CCDC178: variants seen among roughly 807,000 people sequenced by gnomAD.
The protein encoded by CCDC178 is coiled-coil domain-containing protein 178.
CCDC178 carries 126 observed loss-of-function variants against 117.4 expected under a neutral mutation model. The ratio of observed to expected loss-of-function variants is 1.07; its 90% CI spans 0.93 to 1.24. The LOEUF (loss-of-function observed/expected upper bound fraction) is 1.24. Ranked by LOEUF, CCDC178 falls within the 50% of genes most tolerant of loss-of-function variation. The probability of loss-of-function intolerance (pLI) is 0.00; values close to 1 mark genes in which losing one functional copy is unlikely to be tolerated. For synonymous variants in CCDC178, 283 were observed against 313.4 expected, an observed-to-expected ratio of 0.90 and a Z score of 1.02; for missense variants, 1,030 against 986.9, an observed-to-expected ratio of 1.04 and a Z score of -0.59.
chr18:33,120,587 T>C (rs2057923995), intron 20 of CCDC178, among the ~76,000 whole-genome samples: 1 of 152,144 alleles, frequency 6.6e-6, no homozygotes, highest in African/African-American at 2.4e-5. Flanking sequence ...AAAAGAACCA[T>C]GACCAGCTGA....
At chr18:32,956,709 A>G (rs2054601519) in intron 22 of CCDC178, 1 of 152,232 alleles carries the variant, frequency 6.6e-6, no homozygotes, top group Non-Finnish European at 1.5e-5. Flanking sequence ...AGCCAAGGCA[A>G]TGATGCTGGA....
intron 20 of CCDC178, among the ~76,000 whole-genome samples, chr18:33,208,958 G>C (rs988178568): frequency 3.9e-4 from 59 of 152,068 alleles, no homozygotes; most frequent in African/African-American, 1.3e-3. Context: ...AAATTACAGA[G>C]GGGACAGCAA....
intron 5 of CCDC178, among the ~76,000 whole-genome samples, chr18:33,371,412 GATT>G (rs1428719687): frequency 6.6e-6 from 1 of 151,636 alleles, no homozygotes; most frequent in Non-Finnish European, 1.5e-5. Context: ...TATAAAATGG[GATT>G]ATTATCTTGA....
chr18:33,178,776 T>A (rs1205839100), intron 20 of CCDC178, among the ~76,000 whole-genome samples: 1 of 151,946 alleles, frequency 6.6e-6, no homozygotes. Flanking sequence ...TTCTTAAAAA[T>A]TTTAAATCAA....
intron 22 of CCDC178, among the ~76,000 whole-genome samples, chr18:32,967,448 T>C (rs1477076721): frequency 6.6e-6 from 1 of 151,614 alleles, no homozygotes; most frequent in Non-Finnish European, 1.5e-5. Context: ...TCTAATTCTT[T>C]ATTTCCTTGA....
intron 14 of CCDC178, among the ~76,000 whole-genome samples, chr18:33,259,243 G>A (rs1330781259): frequency 1.3e-5 from 2 of 152,132 alleles, no homozygotes; most frequent in Non-Finnish European, 2.9e-5. Context: ...TTGCTTGTTT[G>A]GTTTTTAATC....
At chr18:33,314,656 C>A (rs1370483137) in intron 11 of CCDC178, among the ~76,000 whole-genome samples, 1 of 152,164 alleles carries the variant, frequency 6.6e-6, no homozygotes, top group Non-Finnish European at 1.5e-5. Context: ...AAATTACCTT[C>A]ACTGTCGGAT....
intron 6 of CCDC178, among the ~76,000 whole-genome samples, chr18:33,357,951 T>C (rs1267088860): frequency 1.7e-5 from 2 of 120,992 alleles, no homozygotes; most frequent in Non-Finnish European, 3.3e-5. Context: ...ATTCTGTCAT[T>C]GTGCGAACAT....
chr18:33,193,129 G>A (rs1041506670), intron 20 of CCDC178, among the ~76,000 whole-genome samples: 1 of 150,778 alleles, frequency 6.6e-6, no homozygotes, highest in Non-Finnish European at 1.5e-5. Flanking sequence ...CGGGCGTGGT[G>A]GCAGGCGCCT....
chr18:33,080,973 TA>T (rs963378629), intron 21 of CCDC178, among the ~76,000 whole-genome samples: 1 of 151,976 alleles, frequency 6.6e-6, no homozygotes, highest in African/African-American at 2.4e-5. Context: ...ACTAAAGAGA[TA>T]GCCCATAAAA....
At chr18:33,153,730 G>A (rs912604855) in intron 20 of CCDC178, among the ~76,000 whole-genome samples, 2 of 151,978 alleles carry the variant, frequency 1.3e-5, no homozygotes, top group African/African-American at 4.8e-5. Flanking sequence ...TATTTATACA[G>A]TAAATGTTCT....
At chr18:33,108,450 T>C (rs1186830626) in intron 20 of CCDC178, among the ~76,000 whole-genome samples, 2 of 151,668 alleles carry the variant, frequency 1.3e-5, no homozygotes. Flanking sequence ...GCTTCTCTTG[T>C]AGCATGTGAA....
At chr18:32,988,408 C>T (rs1382082491) in intron 21 of CCDC178, among the ~76,000 whole-genome samples, 2 of 152,014 alleles carry the variant, frequency 1.3e-5, no homozygotes, top group Admixed American at 1.3e-4. Flanking sequence ...TGCATGCCAG[C>T]CTGGGCTACG....
intron 14 of CCDC178, among the ~76,000 whole-genome samples, chr18:33,260,501 C>A (rs62093082): frequency 2.7e-3 from 406 of 149,668 alleles, no homozygotes; most frequent in Non-Finnish European, 4.5e-3. Flanking sequence ...TTTTCTTCAC[C>A]AATTTTTTTG....
At chr18:33,350,804 A>C (rs2144694567) in intron 7 of CCDC178, among the ~76,000 whole-genome samples, 1 of 152,100 alleles carries the variant, frequency 6.6e-6, no homozygotes, top group African/African-American at 2.4e-5. Flanking sequence ...CAAATTGCTG[A>C]GTGATAGGTA....
chr18:33,033,663 G>A (rs1022415682), intron 21 of CCDC178, among the ~76,000 whole-genome samples: 8 of 151,904 alleles, frequency 5.3e-5, no homozygotes, highest in African/African-American at 1.5e-4. Flanking sequence ...CCCGACTTTC[G>A]CTAATCTTTC....
intron 20 of CCDC178, among the ~76,000 whole-genome samples, chr18:33,152,936 GT>G: frequency 6.6e-6 from 1 of 151,544 alleles, no homozygotes; most frequent in South Asian, 2.1e-4. Context: ...TGAGCAACAA[GT>G]CAGACTGGAG....
chr18:33,247,965 G>A (rs994029442), intron 14 of CCDC178, among the ~76,000 whole-genome samples: 4 of 151,624 alleles, frequency 2.6e-5, no homozygotes, highest in Non-Finnish European at 4.4e-5. Context: ...TTAAAAATGC[G>A]AGAAATTTCT....
chr18:33,324,377 A>C (rs1205326251), intron 10 of CCDC178, among the ~76,000 whole-genome samples: 1 of 151,936 alleles, frequency 6.6e-6, no homozygotes, highest in African/African-American at 2.4e-5. Context: ...GAAATTGCAC[A>C]ATCTATAGTT....
Sources: allele counts gnomAD v4.1 joint callset (sites outside exome capture counted in the v4.1 genomes callset), GRCh38; gene constraint gnomAD v4.1.1; transcripts MANE v1.5; gene names NCBI Gene and HGNC (gene_info 2026-07-23, HGNC 2026-07-21).